The following INPP5D variants were observed in gnomAD, a reference collection of about 807,000 sequenced individuals.
INPP5D encodes inositol polyphosphate-5-phosphatase D.
INPP5D carries 33 observed loss-of-function variants against 122.9 expected under a neutral mutation model. The ratio of observed to expected loss-of-function variants is 0.27; its 90% confidence interval spans 0.20 to 0.36. INPP5D has a LOEUF of 0.36. INPP5D is among the 10% of genes least tolerant of loss of function. The probability of loss-of-function intolerance (pLI) is 1.00; values close to 1 mark genes in which losing one functional copy is unlikely to be tolerated. For missense variants in INPP5D, 1,053 were observed against 1,412.7 expected (o/e 0.75, Z 4.08); for synonymous variants, 584 against 576.2 (o/e 1.01, Z -0.19).
At chr2:233,062,280 T>C (rs1396526584) in intron 1 of INPP5D, among the ~76,000 whole-genome samples, 1 of 152,158 alleles carries the variant, frequency 6.6e-6, no homozygotes, top group African/African-American at 2.4e-5. Flanking sequence ...GCTTGCTTTG[T>C]GGTTGCTCAG....
Position 233,170,624 on chromosome 2 carries a change from C to G in INPP5D, c.1900+20C>G. 1 of 1,611,078 alleles carries G rather than the reference C, an allele frequency of 6.2e-7. No individual in the cohort carries two copies. Among genetic ancestry groups the G allele is most frequent in the Non-Finnish European group, 8.5e-7 (1 of 1,178,628 alleles). ...ACTTCGGTAAGAGCAGCAACCCCGG[C>G]TGGGAGCGGTGGCTCACACCTGTAA... On this transcript the variant is annotated intron_variant, in intron 16 of 26. Coordinates refer to ENST00000445964, the MANE Select transcript of INPP5D (RefSeq NM_001017915.3). The surrounding 1 kb of genome is among the most constrained non-coding windows in gnomAD (Gnocchi z 4.5).
intron 5 of INPP5D, among the ~76,000 whole-genome samples, chr2:233,138,976 G>A (rs1413323065): frequency 6.6e-6 from 1 of 150,956 alleles, no homozygotes; most frequent in South Asian, 2.1e-4. Context: ...GGATGGTCTC[G>A]ACCTCCTGAC....
chr2:233,079,289 C>A (rs13419542), intron 1 of INPP5D, 46 bp from the exon 2 acceptor site: 1 of 1,194,254 alleles, frequency 8.4e-7, no homozygotes, highest in Non-Finnish European at 1.3e-6. Flanking sequence ...AAGAGGAAAC[C>A]GGGTCTTCCT....
rs1225519868 is a variant in INPP5D at position 233,188,748 on chromosome 2, AG to A, written c.2359-1101del. ...CGCTAATTTCTGTATTTTTTAGTAG[AG>A]ACGGGGTTTCACCATGTTGGCCAGG... On this transcript the variant is annotated intron_variant, in intron 21 of 26. Transcript: ENST00000445964. This position sits in a 1 kb window ranked among gnomAD's most constrained non-coding sequence, Gnocchi z 4.7. 6.6e-6 allele frequency among the ~76,000 whole-genome samples: 1 copy of A among 152,132 alleles called. No homozygotes were observed. The highest frequency in any genetic ancestry group is 1.5e-5 in the Non-Finnish European group (1 of 68,032).
At chr2:233,175,771 C>T (rs1694608225) in intron 17 of INPP5D, among the ~76,000 whole-genome samples, 1 of 152,036 alleles carries the variant, frequency 6.6e-6, no homozygotes, top group African/African-American at 2.4e-5. Flanking sequence ...CAACCTCCAC[C>T]TTCTGGGTTC....
chr2:233,114,473 AGGC>A (rs1387968977), intron 2 of INPP5D, among the ~76,000 whole-genome samples: 5 of 152,212 alleles, frequency 3.3e-5, no homozygotes, highest in African/African-American at 4.8e-5. Context: ...GCTGGACAGG[AGGC>A]TGCTTCCAGC....
chr2:233,101,755 TA>T (rs1300480218), intron 2 of INPP5D, among the ~76,000 whole-genome samples: 2 of 146,466 alleles, frequency 1.4e-5, no homozygotes, highest in African/African-American at 5.0e-5. Context: ...TATTATAAAT[TA>T]TATTTATTTA....
intron 23 of INPP5D, 60 bp downstream of exon 23, chr2:233,194,021 G>C: frequency 1.3e-6 from 2 of 1,497,642 alleles, no homozygotes; most frequent in Non-Finnish European, 1.8e-6. Context: ...ACGGGAACGT[G>C]CTTTCTCTCA....
At chr2:233,070,787 C>T (rs879327411) in intron 1 of INPP5D, among the ~76,000 whole-genome samples, 8 of 152,094 alleles carry the variant, frequency 5.3e-5, no homozygotes, top group East Asian at 1.9e-4. Flanking sequence ...GTTCCCCTTT[C>T]GAAAACCAGT....
intron 1 of INPP5D, among the ~76,000 whole-genome samples, chr2:233,074,045 C>T (rs1691451326): frequency 6.6e-6 from 1 of 152,156 alleles, no homozygotes; most frequent in African/African-American, 2.4e-5. Flanking sequence ...TCCCTGGAGT[C>T]CTTAGGAAAA....
At chr2:233,111,916 A>G (rs1692640507) in intron 2 of INPP5D, among the ~76,000 whole-genome samples, 1 of 150,764 alleles carries the variant, frequency 6.6e-6, no homozygotes, top group South Asian at 2.1e-4. Flanking sequence ...CAAAAAATTT[A>G]GCCAAACGTG....
chr2:233,134,966 C>G lies in INPP5D; in HGVS notation c.665+4318C>G, dbSNP rs180910397. Among the ~76,000 whole-genome samples, 17 of 127,128 alleles carry G rather than the reference C, an allele frequency of 1.3e-4. No homozygotes were observed. The East Asian group carries it at 3.2e-3, about 24-fold the overall frequency. The allele number at this position is 127,128 out of a possible 152,430, so 83.4% of individuals were successfully genotyped here. A position where few individuals can be genotyped will look rare whatever the true frequency, so the allele number is the denominator to read the frequency against. On this transcript the variant is annotated intron_variant, in intron 5 of 26. Coordinates refer to ENST00000445964, the MANE Select transcript of INPP5D (RefSeq NM_001017915.3). ...AAAAGCATGAAAAGATTAAGCAAAC[C>G]TAGATGAGGAAATGTGTGGTAAAAA...
At chr2:233,125,671 C>G in intron 3 of INPP5D, 74 bp from the exon 4 acceptor site, 1 of 1,379,844 alleles carries the variant, frequency 7.2e-7, no homozygotes, top group Non-Finnish European at 9.9e-7. Flanking sequence ...TGGCCTGGAC[C>G]CCATGGGGCT....
rs778419553 is a variant in INPP5D, at chr2:233,170,684, A to G, written c.1900+80A>G. On this transcript the variant is annotated intron_variant, in intron 16 of 26. Transcript: ENST00000445964. This position sits in a 1 kb window ranked among gnomAD's most constrained non-coding sequence, Gnocchi z 4.5. ...TTTAGGAGGCCGAGGCGGGCGGATC[A>G]CGAGATCAGGAGATGGAGACCATCC... The G allele has an allele frequency of 1.9e-6, 3 of 1,549,608 alleles. No individual in the cohort carries two copies. The highest frequency in any genetic ancestry group is 2.6e-6 in the Non-Finnish European group (3 of 1,139,352).
Position 233,060,623 on chromosome 2 carries a change from C to A in INPP5D, c.134+11C>A, listed in dbSNP as rs915689826. ...CGCGCTCTGCGTGCTGTGAGTACAA[C>A]CTGCTCCCTCCCCGGGCACAGATAT... On this transcript the variant is annotated intron_variant, in intron 1 of 26. Coordinates refer to ENST00000445964, the MANE Select transcript of INPP5D (RefSeq NM_001017915.3). 2 of 1,613,396 alleles carry A rather than the reference C, an allele frequency of 1.2e-6. No individual in the cohort carries two copies. Among genetic ancestry groups the A allele is most frequent in the East Asian group, 2.2e-5 (1 of 44,886 alleles).
intron 3 of INPP5D, among the ~76,000 whole-genome samples, chr2:233,124,785 C>A (rs1383859372): frequency 6.6e-6 from 1 of 152,256 alleles, no homozygotes; most frequent in African/African-American, 2.4e-5. Context: ...GAAAAAAGAA[C>A]CTCAGTCTCA....
chr2:233,137,853 A>AATAT (rs1160357196), intron 5 of INPP5D, among the ~76,000 whole-genome samples: 17 of 27,728 alleles, frequency 6.1e-4, no homozygotes, highest in East Asian at 3.6e-3. Context: ...AAAAAAAAAA[A>AATAT]ATATATATAT....
intron 11 of INPP5D, among the ~76,000 whole-genome samples, chr2:233,163,235 C>T (rs1694241012): frequency 6.6e-6 from 1 of 152,186 alleles, no homozygotes. Flanking sequence ...TCCACACTCT[C>T]CCGTTTCTCT....
chr2:233,123,045 G>A (rs1428559966), intron 3 of INPP5D, among the ~76,000 whole-genome samples: 1 of 152,216 alleles, frequency 6.6e-6, no homozygotes, highest in Non-Finnish European at 1.5e-5. Context: ...ATTTCACTGA[G>A]AGGAGAGTGA....
Sources: gnomAD v4.1 joint callset for allele counts (sites outside exome capture counted in the v4.1 genomes callset) on GRCh38, gnomAD v4.1.1 for gene constraint, Gnocchi (gnomAD v3.1) non-coding constraint, MANE v1.5 for transcripts, NCBI Gene and HGNC (gene_info 2026-07-23, HGNC 2026-07-21) for gene names.